DLGAP1: variants seen among roughly 807,000 people sequenced by gnomAD.
DLGAP1 encodes the protein DLG associated protein 1, also known as disks large-associated protein 1.
A neutral mutation model predicts 90.8 loss-of-function variants in DLGAP1; 11 were observed. The observed-to-expected ratio is 0.12, with a 90% CI of 0.08 to 0.20. DLGAP1 has a LOEUF of 0.20. Ranked by LOEUF, DLGAP1 falls within the 10% of genes least tolerant of loss-of-function variation. DLGAP1 has a pLI of 1.00. For synonymous variants in DLGAP1, 558 were observed against 540.7 expected (o/e 1.03, Z -0.44); for missense variants, 1,050 against 1,333.8 (o/e 0.79, Z 3.31).
chr18:3,600,889 T>G (rs1223184389), intron 7 of DLGAP1, among the ~76,000 whole-genome samples: 1 of 105,226 alleles, frequency 9.5e-6, no homozygotes, highest in African/African-American at 3.3e-5. Flanking sequence ...TAGATAGATA[T>G]ATAGATATAT....
At chr18:4,405,078 G>T (rs930227637) in intron 1 of DLGAP1, among the ~76,000 whole-genome samples, 2 of 152,174 alleles carry the variant, frequency 1.3e-5, no homozygotes, top group African/African-American at 4.8e-5. Flanking sequence ...ATTACACACA[G>T]TTGGAAAAGT....
chr18:4,245,491 T>A (rs984779321), intron 1 of DLGAP1, among the ~76,000 whole-genome samples: 3 of 152,210 alleles, frequency 2.0e-5, no homozygotes, highest in Non-Finnish European at 4.4e-5. Flanking sequence ...CTCTGTTTTT[T>A]AAATGAAACA....
intron 3 of DLGAP1, among the ~76,000 whole-genome samples, chr18:3,932,902 G>T (rs531314183): frequency 6.6e-5 from 10 of 152,274 alleles, no homozygotes; most frequent in Middle Eastern, 3.4e-3. Flanking sequence ...GGAAAAGCTG[G>T]GCCATGCCTG....
At chr18:3,567,603 T>C (rs1293763452) in intron 8 of DLGAP1, 22 bp from the exon 9 acceptor site, 1 of 1,600,532 alleles carries the variant, frequency 6.2e-7, no homozygotes, top group African/African-American at 1.3e-5. Context: ...ATCAAATAAA[T>C]AGAGTTGTTC....
intron 3 of DLGAP1, among the ~76,000 whole-genome samples, chr18:3,915,843 TCTTACTG>T (rs2072130647): frequency 6.6e-6 from 1 of 152,188 alleles, no homozygotes; most frequent in African/African-American, 2.4e-5. Context: ...TCTGAAGACA[TCTTACTG>T]CTTTTAGGAA....
At chr18:3,762,982 C>T (rs1338057789) in intron 5 of DLGAP1, among the ~76,000 whole-genome samples, 1 of 152,176 alleles carries the variant, frequency 6.6e-6, no homozygotes, top group Non-Finnish European at 1.5e-5. Context: ...TAGGATGCAG[C>T]CTGGGAAAGC....
intron 2 of DLGAP1, among the ~76,000 whole-genome samples, chr18:4,129,246 A>G (rs1276975605): frequency 6.7e-6 from 1 of 149,078 alleles, no homozygotes; most frequent in African/African-American, 2.5e-5. Flanking sequence ...GATATTTGGC[A>G]ATGAAGACGG....
intron 1 of DLGAP1, among the ~76,000 whole-genome samples, chr18:4,329,374 A>G (rs2080897568): frequency 6.6e-6 from 1 of 151,908 alleles, no homozygotes; most frequent in Admixed American, 6.6e-5. Flanking sequence ...TTGCAATATC[A>G]CACTATCTTG....
chr18:3,843,284 T>G (rs1447031337), intron 4 of DLGAP1, among the ~76,000 whole-genome samples: 2 of 152,228 alleles, frequency 1.3e-5, no homozygotes, highest in African/African-American at 4.8e-5. Flanking sequence ...TCTCCCAGCA[T>G]GCATGGGTTG....
chr18:4,112,472 C>G (rs1176078715), intron 2 of DLGAP1, among the ~76,000 whole-genome samples: 1 of 152,014 alleles, frequency 6.6e-6, no homozygotes, highest in African/African-American at 2.4e-5. Flanking sequence ...CCTTGTTTAT[C>G]TACTGTCTAG....
At chr18:4,322,771 C>T (rs2080723027) in intron 1 of DLGAP1, among the ~76,000 whole-genome samples, 1 of 151,894 alleles carries the variant, frequency 6.6e-6, no homozygotes, top group Non-Finnish European at 1.5e-5. Flanking sequence ...ACCATCCTGG[C>T]TAACATGGTG....
chr18:3,637,697 T>C (rs1047347424), intron 7 of DLGAP1, among the ~76,000 whole-genome samples: 2 of 151,770 alleles, frequency 1.3e-5, no homozygotes, highest in Non-Finnish European at 2.9e-5. Flanking sequence ...CAATGAGCCA[T>C]GATTGTGCCA....
At chr18:4,214,228 C>T (rs1433857607) in intron 1 of DLGAP1, among the ~76,000 whole-genome samples, 1 of 151,406 alleles carries the variant, frequency 6.6e-6, no homozygotes, top group Non-Finnish European at 1.5e-5. Context: ...AACTGAGGAA[C>T]AGGAAGGTGG....
intron 2 of DLGAP1, among the ~76,000 whole-genome samples, chr18:4,117,003 G>A (rs1347274223): frequency 1.3e-5 from 2 of 152,190 alleles, no homozygotes; most frequent in Non-Finnish European, 2.9e-5. Context: ...TGGAGACAGG[G>A]CCTTTCAAAG....
chr18:4,167,913 T>C (rs1340870331), intron 1 of DLGAP1, among the ~76,000 whole-genome samples: 1 of 152,172 alleles, frequency 6.6e-6, no homozygotes, highest in Non-Finnish European at 1.5e-5. Flanking sequence ...TTGAACATTA[T>C]AAAATTCTGA....
intron 4 of DLGAP1, among the ~76,000 whole-genome samples, chr18:3,836,917 T>C (rs894044187): frequency 6.6e-6 from 1 of 152,198 alleles, no homozygotes; most frequent in African/African-American, 2.4e-5. Context: ...TGGCAGTCTG[T>C]AAAAGTGATA....
At chr18:3,917,697 G>A (rs9963525) in intron 3 of DLGAP1, among the ~76,000 whole-genome samples, 8,489 of 152,148 alleles carry the variant, frequency 0.056, 749 homozygotes, top group African/African-American at 0.19. Context: ...ACAATTGTGA[G>A]GCATACGTTG....
chr18:3,887,153 C>T (rs2071338617), intron 3 of DLGAP1, among the ~76,000 whole-genome samples: 1 of 152,194 alleles, frequency 6.6e-6, no homozygotes, highest in Non-Finnish European at 1.5e-5. Flanking sequence ...AACCACGTGA[C>T]AACTTTAGCC....
intron 1 of DLGAP1, among the ~76,000 whole-genome samples, chr18:4,246,584 C>T (rs994885195): frequency 1.3e-5 from 2 of 152,140 alleles, no homozygotes; most frequent in South Asian, 4.1e-4. Flanking sequence ...CAGTGTCAAA[C>T]CCCAGGGTGA....
Sources: gnomAD v4.1 joint callset for allele counts (sites outside exome capture counted in the v4.1 genomes callset) on GRCh38, gnomAD v4.1.1 for gene constraint, MANE v1.5 for transcripts, NCBI Gene and HGNC (gene_info 2026-07-23, HGNC 2026-07-21) for gene names.